Variants in EYS observed in about 807,000 individuals in gnomAD.
The protein encoded by EYS is EGF-like photoreceptor maintenance factor, also known as protein eyes shut homolog.
Under a neutral mutation model 282.1 loss-of-function variants are expected in EYS, and 250 were observed. The ratio of observed to expected loss-of-function variants is 0.89; its 90% confidence interval spans 0.80 to 0.98. The LOEUF (loss-of-function observed/expected upper bound fraction) is 0.98. EYS is among the 50% of genes least tolerant of loss of function. The probability of loss-of-function intolerance (pLI) is 0.00; values close to 1 mark genes in which losing one functional copy is unlikely to be tolerated. For missense variants in EYS, 4,016 were observed against 3,709.0 expected (o/e 1.08, Z -2.15); for synonymous variants, 1,355 against 1,282.9 (o/e 1.06, Z -1.20).
Position 65,565,036 on chromosome 6 carries a change from G to A in EYS, c.-332-69043C>T, listed in dbSNP as rs1217574489. On this transcript the variant is annotated intron_variant, in intron 2 of 42. Coordinates refer to ENST00000503581, the MANE Select transcript of EYS (RefSeq NM_001142800.2). Reference sequence around the variant, plus strand: ...CGAGGCGGGCGGATCACGAGGTCAGGAGATCGAGACCATCCCAGCTAAAAC... The same window carrying A: ...CGAGGCGGGCGGATCACGAGGTCAGAAGATCGAGACCATCCCAGCTAAAAC... 2.2e-4 allele frequency among the ~76,000 whole-genome samples: 12 copies of A among 55,726 alleles called. 5 individuals carry two copies. The highest frequency in any genetic ancestry group is 3.4e-4 in the Non-Finnish European group (12 of 35,436). The allele number at this position is 55,726 out of a possible 152,430, so 36.6% of individuals were successfully genotyped here.
chr6:63,740,739 AAGGTTTTAC>A (rs1769054773), intron 41 of EYS, among the ~76,000 whole-genome samples: 1 of 152,212 alleles, frequency 6.6e-6, no homozygotes, highest in African/African-American at 2.4e-5. Flanking sequence ...TATGTGCATT[AAGGTTTTAC>A]AGCTTGAGTA....
chr6:64,034,082 A>G (rs1769997087), intron 33 of EYS, among the ~76,000 whole-genome samples: 1 of 152,212 alleles, frequency 6.6e-6, no homozygotes. Context: ...TCATGCCTGT[A>G]TTGGGTAATG....
chr6:63,855,399 A>C (rs1368827954), intron 36 of EYS, among the ~76,000 whole-genome samples: 1 of 152,210 alleles, frequency 6.6e-6, no homozygotes, highest in Admixed American at 6.5e-5. Context: ...ACTGTGAAAA[A>C]TACTTCTGGA....
chr6:64,062,403 T>G (rs888147175), intron 33 of EYS, among the ~76,000 whole-genome samples: 1 of 152,274 alleles, frequency 6.6e-6, no homozygotes, highest in South Asian at 2.1e-4. Context: ...AAGAAACTTA[T>G]GTTCTCAGCC....
intron 36 of EYS, among the ~76,000 whole-genome samples, chr6:63,819,062 C>G (rs1247144913): frequency 6.6e-6 from 1 of 152,206 alleles, no homozygotes; most frequent in African/African-American, 2.4e-5. Context: ...AATCACTAGA[C>G]TGTCTCCCCA....
At chr6:64,574,703 C>T (rs1765827459) in intron 26 of EYS, among the ~76,000 whole-genome samples, 1 of 152,080 alleles carries the variant, frequency 6.6e-6, no homozygotes. Context: ...TAAAGTTCAA[C>T]CAAACATAAA....
intron 12 of EYS, among the ~76,000 whole-genome samples, chr6:65,240,709 T>C (rs998422811): frequency 1.3e-5 from 2 of 152,208 alleles, no homozygotes; most frequent in Admixed American, 6.5e-5. Flanking sequence ...GTTGATTCTA[T>C]GTATTTGTTG....
chr6:64,258,297 C>T (rs1767470537), intron 30 of EYS, among the ~76,000 whole-genome samples: 1 of 151,956 alleles, frequency 6.6e-6, no homozygotes, highest in African/African-American at 2.4e-5. Flanking sequence ...GCAAATAAAC[C>T]TCCTGCAGTA....
At chr6:65,206,465 A>G (rs1766037297) in intron 12 of EYS, among the ~76,000 whole-genome samples, 1 of 151,730 alleles carries the variant, frequency 6.6e-6, no homozygotes, top group Admixed American at 6.6e-5. Context: ...CACAAACAAG[A>G]GCTGCTACCA....
At chr6:65,115,578 T>C (rs1374745731) in intron 12 of EYS, among the ~76,000 whole-genome samples, 1 of 152,102 alleles carries the variant, frequency 6.6e-6, no homozygotes, top group Non-Finnish European at 1.5e-5. Flanking sequence ...ATCTTTTCAT[T>C]AGGTACATTC....
rs1012336027 is a variant in EYS, at chr6:63,778,053, C to A, written c.7851G>T (p.Met2617Ile). The change falls in exon 40 of 43, where the codon ATG (methionine) becomes ATT (isoleucine). Residue 2617 changes from methionine (M) to isoleucine (I), a missense_variant. Met to Ile is a conservative substitution (Grantham distance 10). Coordinates refer to ENST00000503581, the MANE Select transcript of EYS (RefSeq NM_001142800.2). ...GQCHASPCSL[M>I]KCGNGGTCIE... ...TGCATGTCCCACCATTGCCACATTT[C>A]ATTAAACTGCAGGGAGAAGCATGAC... 2.6e-6 allele frequency: 4 copies of A among 1,551,574 alleles called. No homozygotes were observed. The African/African-American group carries it at 4.1e-5, about 16-fold the overall frequency.
chr6:64,327,447 C>A (rs1582603514), intron 29 of EYS, among the ~76,000 whole-genome samples: 1 of 152,006 alleles, frequency 6.6e-6, no homozygotes, highest in African/African-American at 2.4e-5. Context: ...AACTGAGGAC[C>A]CTTTGTGAGA....
At chr6:64,793,546 C>T (rs1268287117) in intron 22 of EYS, among the ~76,000 whole-genome samples, 1 of 152,076 alleles carries the variant, frequency 6.6e-6, no homozygotes, top group Admixed American at 6.6e-5. Flanking sequence ...TGTAAATTTG[C>T]TATTGCAGAT....
intron 31 of EYS, 71 bp from the exon 32 acceptor site, chr6:64,082,073 AT>A: frequency 9.6e-7 from 1 of 1,041,310 alleles, no homozygotes; most frequent in Non-Finnish European, 1.4e-6. Context: ...AAAACTTAGC[AT>A]TTATAGTTAG....
At chr6:65,160,168 G>A (rs1181906849) in intron 12 of EYS, among the ~76,000 whole-genome samples, 2 of 150,698 alleles carry the variant, frequency 1.3e-5, no homozygotes, top group African/African-American at 4.9e-5. Flanking sequence ...AGCTAACTAT[G>A]GTCTACTGGA....
chr6:64,285,160 C>T (rs1768451110), intron 30 of EYS, among the ~76,000 whole-genome samples: 1 of 152,106 alleles, frequency 6.6e-6, no homozygotes, highest in Non-Finnish European at 1.5e-5. Flanking sequence ...AACTGAATTC[C>T]TTTAACAACA....
At chr6:64,414,837 A>C (rs749168145) in intron 28 of EYS, among the ~76,000 whole-genome samples, 1 of 152,202 alleles carries the variant, frequency 6.6e-6, no homozygotes, top group Non-Finnish European at 1.5e-5. Context: ...CTCATTCTTC[A>C]TAACAAAAAG....
chr6:63,740,469 A>T (rs1453677996), intron 41 of EYS, among the ~76,000 whole-genome samples: 1 of 152,202 alleles, frequency 6.6e-6, no homozygotes, highest in Non-Finnish European at 1.5e-5. Flanking sequence ...TGTCTTTATC[A>T]GCAGCATGAA....
chr6:65,175,404 T>G (rs1765201503), intron 12 of EYS, among the ~76,000 whole-genome samples: 1 of 151,226 alleles, frequency 6.6e-6, no homozygotes, highest in Admixed American at 6.6e-5. Context: ...AGGTAAATAA[T>G]GAAGACAGAG....
Sources: gnomAD v4.1 joint callset for allele counts (sites outside exome capture counted in the v4.1 genomes callset) on GRCh38, gnomAD v4.1.1 for gene constraint, MANE v1.5 for transcripts, NCBI Gene and HGNC (gene_info 2026-07-23, HGNC 2026-07-21) for gene names.